The following THSD7A variants were observed in gnomAD, a reference collection of about 807,000 sequenced individuals.
THSD7A encodes thrombospondin type 1 domain containing 7A.
THSD7A carries 96 observed loss-of-function variants against 231.3 expected under a neutral mutation model. That is an observed-to-expected ratio of 0.41 (90% CI 0.35 to 0.49). The LOEUF (loss-of-function observed/expected upper bound fraction) is 0.49, where lower values mean the gene tolerates loss of function less well. THSD7A is among the 20% of genes least tolerant of loss of function. The pLI is 0.05. For synonymous variants in THSD7A, 940 were observed against 743.3 expected (o/e 1.26, Z -4.30); for missense variants, 2,290 against 2,070.2 (o/e 1.11, Z -2.06).
chr7:11,438,777 T>C (rs934805731), intron 13 of THSD7A, among the ~76,000 whole-genome samples: 2 of 151,980 alleles, frequency 1.3e-5, no homozygotes, highest in Non-Finnish European at 2.9e-5. Context: ...TTAGAGCCAT[T>C]GGATCATGAT....
At chr7:11,759,938 G>A (rs1782801924) in intron 1 of THSD7A, among the ~76,000 whole-genome samples, 1 of 151,968 alleles carries the variant, frequency 6.6e-6, no homozygotes, top group Non-Finnish European at 1.5e-5. Flanking sequence ...ATATGTGAGT[G>A]GATCTAAGTC....
chr7:11,831,205 C>A lies in THSD7A; in HGVS notation c.190+552G>T, dbSNP rs1785182081. ...TGTACACTTTAAAAATCCTCCGACTCGCTAGTTAATAATTGAGTTTTCAGT... is the reference window on the plus strand; with the variant it reads ...TGTACACTTTAAAAATCCTCCGACTAGCTAGTTAATAATTGAGTTTTCAGT... On this transcript the variant is annotated intron_variant, in intron 1 of 27. Transcript: ENST00000423059. This position sits in a 1 kb window ranked among gnomAD's most constrained non-coding sequence, Gnocchi z 5.0. 6.6e-6 allele frequency among the ~76,000 whole-genome samples: 1 copy of A among 152,188 alleles called. No homozygotes were observed. The highest frequency in any genetic ancestry group is 1.5e-5 in the Non-Finnish European group (1 of 68,048).
At chr7:11,765,689 G>A (rs1294246800) in intron 1 of THSD7A, among the ~76,000 whole-genome samples, 1 of 151,866 alleles carries the variant, frequency 6.6e-6, no homozygotes, top group African/African-American at 2.4e-5. Context: ...GGATTTCCTG[G>A]GAAACAAGCT....
chr7:11,570,623 T>C (rs1225973653), intron 4 of THSD7A, among the ~76,000 whole-genome samples: 2 of 152,246 alleles, frequency 1.3e-5, no homozygotes, highest in Non-Finnish European at 2.9e-5. Flanking sequence ...AATTATTATG[T>C]GTCAATAATA....
chr7:11,798,256 G>C (rs1467098293), intron 1 of THSD7A, among the ~76,000 whole-genome samples: 2 of 152,142 alleles, frequency 1.3e-5, no homozygotes, highest in Non-Finnish European at 2.9e-5. Context: ...GATCACTTGA[G>C]GTCAAGAGTT....
chr7:11,419,135 G>C (rs1490510974), intron 16 of THSD7A, among the ~76,000 whole-genome samples: 1 of 152,154 alleles, frequency 6.6e-6, no homozygotes, highest in African/African-American at 2.4e-5. Context: ...CTATTGACCA[G>C]AGTTAAGAAC....
At chr7:11,388,428 T>C (rs995322959) in intron 23 of THSD7A, among the ~76,000 whole-genome samples, 3 of 152,190 alleles carry the variant, frequency 2.0e-5, no homozygotes, top group African/African-American at 7.2e-5. Context: ...GGAGGATGTA[T>C]GTGTCCAGGA....
intron 6 of THSD7A, among the ~76,000 whole-genome samples, chr7:11,514,895 G>A (rs1787965623): frequency 6.6e-6 from 1 of 152,106 alleles, no homozygotes; most frequent in Non-Finnish European, 1.5e-5. Context: ...ACTAATATTT[G>A]TAGGGGTGCT....
At chr7:11,611,830 A>T (rs1395716465) in intron 2 of THSD7A, among the ~76,000 whole-genome samples, 6 of 141,258 alleles carry the variant, frequency 4.2e-5, no homozygotes, top group East Asian at 2.2e-4. Flanking sequence ...ACACACACAC[A>T]CTATCATCTG....
intron 1 of THSD7A, among the ~76,000 whole-genome samples, chr7:11,665,625 T>G (rs1273565153): frequency 2.6e-5 from 4 of 152,070 alleles, no homozygotes; most frequent in African/African-American, 9.7e-5. Flanking sequence ...TGTTTACACA[T>G]AAAATACCCT....
chr7:11,390,708 T>C (rs1782947755), intron 23 of THSD7A, among the ~76,000 whole-genome samples: 1 of 152,244 alleles, frequency 6.6e-6, no homozygotes, highest in South Asian at 2.1e-4. Flanking sequence ...TTCGAGCTAG[T>C]TTCTCCCCAT....
intron 1 of THSD7A, among the ~76,000 whole-genome samples, chr7:11,664,694 G>A (rs958973585): frequency 2.3e-4 from 35 of 151,930 alleles, no homozygotes; most frequent in African/African-American, 8.0e-4. Context: ...ACCAAGAAAA[G>A]AGTAGCAGAA....
rs978171583 is a variant in THSD7A, at chr7:11,374,046, G to A, written c.*1748C>T. The A allele has an allele frequency of 1.3e-5, 2 of 152,056 alleles. No homozygotes were observed. The highest frequency in any genetic ancestry group is 2.9e-5 in the Non-Finnish European group (2 of 67,988). 9.4% of individuals were successfully genotyped at this position (152,056 alleles called of 1,614,324 possible). A position where few individuals can be genotyped will look rare whatever the true frequency, so the allele number is the denominator to read the frequency against. On this transcript the variant is annotated 3_prime_UTR_variant, in exon 28 of 28. Coordinates refer to ENST00000423059, the MANE Select transcript of THSD7A (RefSeq NM_015204.3). ...AGCTACTTCTGATACAGTGGGAAATGTAATGACTGTAAATTCTCACCTTTG... is the reference window on the plus strand; with the variant it reads ...AGCTACTTCTGATACAGTGGGAAATATAATGACTGTAAATTCTCACCTTTG...
chr7:11,378,196 C>T (rs1782356475), intron 26 of THSD7A: 1 of 152,162 alleles, frequency 6.6e-6, no homozygotes, highest in South Asian at 2.1e-4. Flanking sequence ...CATCTTTTCT[C>T]ATGTTTCTAA....
intron 1 of THSD7A, among the ~76,000 whole-genome samples, chr7:11,802,120 T>C (rs1784293709): frequency 6.6e-6 from 1 of 152,158 alleles, no homozygotes; most frequent in Non-Finnish European, 1.5e-5. Context: ...TTTTAGAGTA[T>C]GAGAAATTTT....
rs1417255322 is a variant in THSD7A at position 11,372,259 on chromosome 7, T to A, written c.*3535A>T. ...TAGAGTAAAAGTCAACATGTTTCAG[T>A]GCTATCTTCACTCATTAAGCATTTT... On this transcript the variant is annotated 3_prime_UTR_variant, in exon 28 of 28. Coordinates refer to ENST00000423059, the MANE Select transcript of THSD7A (RefSeq NM_015204.3). 1 of 151,922 alleles carries A rather than the reference T, an allele frequency of 6.6e-6. No homozygotes were observed. Among genetic ancestry groups the A allele is most frequent in the Non-Finnish European group, 1.5e-5 (1 of 68,002 alleles). The allele number at this position is 151,922 out of a possible 1,614,324, so 9.4% of individuals were successfully genotyped here. A position where few individuals can be genotyped will look rare whatever the true frequency, so the allele number is the denominator to read the frequency against.
intron 1 of THSD7A, among the ~76,000 whole-genome samples, chr7:11,642,973 A>G (rs1394401955): frequency 2.0e-5 from 3 of 152,130 alleles, no homozygotes; most frequent in African/African-American, 7.2e-5. Context: ...GGGCATGAGA[A>G]CAATAAAAGG....
At chr7:11,541,710 T>A in intron 5 of THSD7A, 79 bp from the exon 6 acceptor site, 1 of 1,362,026 alleles carries the variant, frequency 7.3e-7, no homozygotes, top group Non-Finnish European at 1.0e-6. Context: ...AACCTCAGAG[T>A]AAAAGTTGGA....
At chr7:11,391,933 C>G (rs932101181) in intron 23 of THSD7A, among the ~76,000 whole-genome samples, 12 of 152,048 alleles carry the variant, frequency 7.9e-5, no homozygotes, top group Non-Finnish European at 1.8e-4. Context: ...CACCCACTGT[C>G]CAACGAGTCC....
Sources: allele counts gnomAD v4.1 joint callset (sites outside exome capture counted in the v4.1 genomes callset), GRCh38; gene constraint gnomAD v4.1.1; non-coding constraint Gnocchi (gnomAD v3.1); transcripts MANE v1.5; gene names NCBI Gene and HGNC (gene_info 2026-07-23, HGNC 2026-07-21).